OR8B2: variants seen among roughly 807,000 people sequenced by gnomAD.
The protein encoded by OR8B2 is olfactory receptor family 8 subfamily B member 2, also known as olfactory receptor 8B2.
For synonymous variants in OR8B2, 98 were observed against 138.2 expected (o/e 0.71, Z 2.04); for missense variants, 304 against 379.6 (o/e 0.80, Z 1.65).
At chr11:124,394,184 A>G in the OR8B2 span, among the ~76,000 whole-genome samples, 1 of 151,658 alleles carries the variant, frequency 6.6e-6, no homozygotes. Context: ...GCACACCAGC[A>G]TGTCACATGT....
chr11:124,386,526 C>T (rs1392190748), upstream of OR8B2, among the ~76,000 whole-genome samples: 2 of 148,522 alleles, frequency 1.3e-5, no homozygotes, highest in Non-Finnish European at 3.0e-5. Flanking sequence ...TTTGTTCTTG[C>T]GATAGTTTAC....
the OR8B2 span, among the ~76,000 whole-genome samples, chr11:124,391,568 G>A: frequency 1.3e-5 from 2 of 152,116 alleles, no homozygotes; most frequent in Admixed American, 6.5e-5. Context: ...AAACCAGGAA[G>A]AAGTTGAATC....
the OR8B2 span, chr11:124,395,600 T>C: frequency 6.6e-6 from 1 of 152,154 alleles, no homozygotes; most frequent in East Asian, 1.9e-4. Flanking sequence ...AGTAAAAAAA[T>C]AACATTTACA....
upstream of OR8B2, among the ~76,000 whole-genome samples, chr11:124,388,584 A>T (rs898066809): frequency 2.0e-5 from 3 of 152,136 alleles, no homozygotes; most frequent in African/African-American, 7.2e-5. Flanking sequence ...GACCAGATGT[A>T]TTCTGCTCAG....
chr11:124,387,355 A>T (rs1191161197), upstream of OR8B2, among the ~76,000 whole-genome samples: 58 of 152,204 alleles, frequency 3.8e-4, no homozygotes, highest in African/African-American at 1.3e-3. Context: ...CTGAATGGTA[A>T]TGCCTAGGTT....
At position 124,382,511 on chromosome 11, in the gene OR8B2, G is replaced by C. The variant is rs755529484; in HGVS notation, c.833C>G (p.Thr278Ser). 3 of 1,613,968 alleles carry C rather than the reference G, an allele frequency of 1.9e-6. No individual in the cohort carries two copies. Among genetic ancestry groups the C allele is most frequent in the East Asian group, 2.2e-5 (1 of 44,880 alleles). ...EQGKVSSVFY[T>S]NVVPMLNPLI... ...GGGATTGAGCATGGGCACCACATTAGTGTAGAAAACAGAAGAAACTTTTCC... is the reference window on the plus strand; with the variant it reads ...GGGATTGAGCATGGGCACCACATTACTGTAGAAAACAGAAGAAACTTTTCC... Residue 278 changes from threonine (T) to serine (S), a missense_variant, in exon 2 of 2, where the codon ACT becomes AGT. Coordinates refer to ENST00000641451, the MANE Select transcript of OR8B2 (RefSeq NM_001005468.2).
intron 1 of OR8B2, 136 bp downstream of exon 1, chr11:124,384,238 A>C (rs1248174516): frequency 2.0e-5 from 3 of 152,206 alleles, no homozygotes; most frequent in Admixed American, 6.6e-5. Context: ...TGAAGCCAAC[A>C]GAGAGAACAG....
At chr11:124,396,948 G>A in the OR8B2 span, 2 of 1,611,700 alleles carry the variant, frequency 1.2e-6, no homozygotes, top group Non-Finnish European at 1.7e-6. Flanking sequence ...ATGGGACATG[G>A]TGACCTTATA....
At chr11:124,386,078 A>G (rs1860694755), upstream of OR8B2, among the ~76,000 whole-genome samples, 2 of 152,074 alleles carry the variant, frequency 1.3e-5, 1 homozygote, top group South Asian at 4.2e-4. Context: ...TCCCAGTTCT[A>G]TCATAGGGTC....
upstream of OR8B2, among the ~76,000 whole-genome samples, chr11:124,384,740 T>A (rs2134192580): frequency 6.6e-6 from 1 of 152,242 alleles, no homozygotes; most frequent in South Asian, 2.1e-4. Flanking sequence ...CATGACACAC[T>A]CTGCAGGGAA....
rs778665416 is a variant in OR8B2 at position 124,383,246 on chromosome 11, A to C, written c.98T>G (p.Val33Gly). 8 of 1,614,000 alleles carry C rather than the reference A, an allele frequency of 5.0e-6. No individual in the cohort carries two copies. Among genetic ancestry groups the C allele is most frequent in the South Asian group, 4.4e-5 (4 of 91,072 alleles). ...GCCTACCATGGTGACAATGTAGATC[A>C]CTAGAAACAGGAAAAAGAGGGGTTG... is the stretch of plus-strand genomic sequence containing the variant. ...FRQPLFFLFL[V>G]IYIVTMVGNL... is the part of the protein sequence containing the mutation. The change falls in exon 2 of 2, where the codon GTG becomes GGG. Residue 33 changes from valine to glycine, a missense_variant. Coordinates refer to ENST00000641451, the MANE Select transcript of OR8B2 (RefSeq NM_001005468.2).
At chr11:124,396,248 C>G in the OR8B2 span, 1 of 736,344 alleles carries the variant, frequency 1.4e-6, no homozygotes, top group Non-Finnish European at 2.1e-6. Flanking sequence ...GCCAGAGATG[C>G]AAAACCAAAA....
rs1341752810 is a variant in OR8B2, at chr11:124,383,258, A to T, written c.86T>A (p.Phe29Tyr). The T allele has an allele frequency of 1.9e-6, 3 of 1,613,924 alleles. No individual in the cohort carries two copies. The highest frequency in any genetic ancestry group is 2.7e-5 in the African/African-American group (2 of 75,062). ...DHPEFRQPLF[F>Y]LFLVIYIVTM... ...GACAATGTAGATCACTAGAAACAGG[A>T]AAAAGAGGGGTTGCCGGAACTCTGG... Residue 29 changes from phenylalanine (F) to tyrosine (Y), a missense_variant, in exon 2 of 2, where the codon TTC (phenylalanine) becomes TAC (tyrosine). Transcript: ENST00000641451.
chr11:124,397,269 A>T, the OR8B2 span: 2 of 1,401,232 alleles, frequency 1.4e-6, no homozygotes, highest in Non-Finnish European at 2.0e-6. Context: ...AAACAGGAAA[A>T]AGAGGGGTTG....
chr11:124,386,378 G>C (rs536209367), upstream of OR8B2, among the ~76,000 whole-genome samples: 2 of 141,010 alleles, frequency 1.4e-5, no homozygotes, highest in African/African-American at 5.4e-5. Flanking sequence ...TTTAGCATTA[G>C]GTATATCTCC....
At chr11:124,396,978 G>A in the OR8B2 span, 3 of 1,613,600 alleles carry the variant, frequency 1.9e-6, no homozygotes, top group Non-Finnish European at 2.5e-6. Flanking sequence ...ATTACAGATG[G>A]CCACATAGCG....
At chr11:124,396,172 A>G in the OR8B2 span, 1 of 425,328 alleles carries the variant, frequency 2.4e-6, no homozygotes, top group Non-Finnish European at 4.1e-6. Flanking sequence ...ATGATAATGA[A>G]AAATATCAGT....
At chr11:124,384,650 G>T (rs962738133), upstream of OR8B2, among the ~76,000 whole-genome samples, 7 of 151,886 alleles carry the variant, frequency 4.6e-5, no homozygotes, top group African/African-American at 1.2e-4. Context: ...CCGTCATAGA[G>T]ACATGGCATT....
upstream of OR8B2, among the ~76,000 whole-genome samples, chr11:124,389,224 T>C (rs554057510): frequency 2.0e-5 from 3 of 152,268 alleles, no homozygotes; most frequent in Non-Finnish European, 4.4e-5. Context: ...AGAGGGATAA[T>C]CAATTGTTTC....
Sources: gnomAD v4.1 joint callset for allele counts (sites outside exome capture counted in the v4.1 genomes callset) on GRCh38, gnomAD v4.1.1 for gene constraint, MANE v1.5 for transcripts, NCBI Gene and HGNC (gene_info 2026-07-23, HGNC 2026-07-21) for gene names.